CACNG2: variants seen among roughly 807,000 people sequenced by gnomAD.
The protein encoded by CACNG2 is voltage-dependent calcium channel gamma-2 subunit.
A neutral mutation model predicts 25.9 loss-of-function variants in CACNG2; 3 were observed. That is an observed-to-expected ratio of 0.12 (90% CI 0.05 to 0.30). The LOEUF is 0.30. Among genes scored for constraint, CACNG2 ranks in the 10% least tolerant of loss-of-function variants. The pLI, the probability that CACNG2 is intolerant of heterozygous loss-of-function variation, is 1.00. For missense variants in CACNG2, 341 were observed against 432.5 expected (o/e 0.79, Z 1.88); for synonymous variants, 167 against 173.3 (o/e 0.96, Z 0.29).
At chr22:36,565,026 G>T in intron 3 of CACNG2, 140 bp from the exon 4 acceptor site, 1 of 737,300 alleles carries the variant, frequency 1.4e-6, no homozygotes, top group Non-Finnish European at 2.4e-6. Context: ...AACAGGTGGG[G>T]CGGTGTAGAT....
chr22:36,597,495 G>A (rs963510599), intron 1 of CACNG2, among the ~76,000 whole-genome samples: 2 of 152,198 alleles, frequency 1.3e-5, no homozygotes, highest in Non-Finnish European at 2.9e-5. Context: ...AGTCCTCACC[G>A]AGGGGGTAAG....
At chr22:36,622,866 C>T (rs534074611) in intron 1 of CACNG2, among the ~76,000 whole-genome samples, 1 of 150,500 alleles carries the variant, frequency 6.6e-6, no homozygotes, top group Non-Finnish European at 1.5e-5. Flanking sequence ...GGCTGAGGCA[C>T]GAGAATCGCT....
At chr22:36,583,016 G>A (rs773816791) in intron 2 of CACNG2, among the ~76,000 whole-genome samples, 5 of 152,000 alleles carry the variant, frequency 3.3e-5, no homozygotes, top group Non-Finnish European at 4.4e-5. Flanking sequence ...GGGCCCAAGC[G>A]TTGTGCGTTC....
intron 1 of CACNG2, among the ~76,000 whole-genome samples, chr22:36,607,020 T>G (rs537596255): frequency 6.6e-6 from 1 of 151,502 alleles, no homozygotes; most frequent in South Asian, 2.1e-4. Flanking sequence ...TGTCTGTGAG[T>G]GTATATGTGT....
intron 1 of CACNG2, among the ~76,000 whole-genome samples, chr22:36,686,033 A>G (rs1937192331): frequency 6.6e-6 from 1 of 152,218 alleles, no homozygotes; most frequent in South Asian, 2.1e-4. Context: ...CACCTGGTTG[A>G]GGAGACAGAT....
At position 36,606,275 on chromosome 22, in the gene CACNG2, G is replaced by A. The variant is rs762405158; in HGVS notation, c.212-18727C>T. Among the ~76,000 whole-genome samples, 3 of 152,244 alleles carry A rather than the reference G, an allele frequency of 2.0e-5. No individual in the cohort carries two copies. Among genetic ancestry groups the A allele is most frequent in the African/African-American group, 7.2e-5 (3 of 41,460 alleles). ...CAGAATGAAACCACAAGGGCAGCGA[G>A]GGCGTTGGCTGGTCGCCGGGAACAA... On this transcript the variant is annotated intron_variant, in intron 1 of 3. Transcript: ENST00000300105. This position sits in a 1 kb window ranked among gnomAD's most constrained non-coding sequence, Gnocchi z 5.7.
chr22:36,577,650 GAAAAA>G (rs544986089), intron 2 of CACNG2, among the ~76,000 whole-genome samples: 2 of 114,466 alleles, frequency 1.7e-5, no homozygotes, highest in Admixed American at 9.8e-5. Context: ...CTCCGTCTTG[GAAAAA>G]AAAAAAAAAA....
At chr22:36,572,100 A>G (rs1455633871) in intron 2 of CACNG2, among the ~76,000 whole-genome samples, 1 of 152,192 alleles carries the variant, frequency 6.6e-6, no homozygotes, top group Non-Finnish European at 1.5e-5. Context: ...TATCTGATTT[A>G]TTTAATGAAC....
rs1601431089 is a variant in CACNG2, at chr22:36,640,415, T to C, written c.212-52867A>G. The stretch of plus-strand genomic sequence containing the variant: ...TTCTTCCTGCTCTCTGAGGAGTAAG[T>C]TTCCTTCACGGAGGAGCAGTGCCTC... On this transcript the variant is annotated intron_variant, in intron 1 of 3. Transcript: ENST00000300105. Among the ~76,000 whole-genome samples the C allele has an allele frequency of 2.6e-5, 4 of 152,300 alleles. No homozygotes were observed. In the Middle Eastern group the frequency reaches 0.014, roughly 518 times the overall value.
In CACNG2 at chr22:36,612,625, G is replaced by A. The variant is rs771956384; in HGVS notation, c.212-25077C>T. 2.6e-5 allele frequency among the ~76,000 whole-genome samples: 4 copies of A among 152,228 alleles called. No individual in the cohort carries two copies. In the South Asian group the frequency reaches 8.3e-4, roughly 32 times the overall value. Reference sequence around the variant, plus strand: ...CCTCTTCCCACAACCCTCTCACTTGGCCAGCATCCGCCTGGTTATTTGGCT... The same window carrying A: ...CCTCTTCCCACAACCCTCTCACTTGACCAGCATCCGCCTGGTTATTTGGCT... On this transcript the variant is annotated intron_variant, in intron 1 of 3. Coordinates refer to ENST00000300105, the MANE Select transcript of CACNG2 (RefSeq NM_006078.5).
chr22:36,609,502 G>C (rs1331559844), intron 1 of CACNG2, among the ~76,000 whole-genome samples: 3 of 138,094 alleles, frequency 2.2e-5, no homozygotes, highest in African/African-American at 8.3e-5. Flanking sequence ...TGATCAGGAG[G>C]AATCAACCCC....
At position 36,587,436 on chromosome 22, in the gene CACNG2, G is replaced by A. The variant is rs200747543; in HGVS notation, c.295+29C>T. The A allele has an allele frequency of 5.1e-5, 78 of 1,516,116 alleles. No individual in the cohort carries two copies. In the East Asian group the frequency reaches 7.9e-4, roughly 15 times the overall value. 93.9% of individuals were successfully genotyped at this position (1,516,116 alleles called of 1,614,324 possible). ...GGAAGGGCAGGGCCCACCACCAGGAGGGAGATAAAAACAATCGTGTGCACT... is the reference window on the plus strand; with the variant it reads ...GGAAGGGCAGGGCCCACCACCAGGAAGGAGATAAAAACAATCGTGTGCACT... On this transcript the variant is annotated intron_variant, in intron 2 of 3. Transcript: ENST00000300105.
intron 1 of CACNG2, among the ~76,000 whole-genome samples, chr22:36,661,542 G>C (rs748609113): frequency 8.5e-5 from 13 of 152,146 alleles, no homozygotes; most frequent in Non-Finnish European, 1.9e-4. Flanking sequence ...TAAGAGCATC[G>C]AGCATATTAA....
chr22:36,608,504 C>T (rs1826871241), intron 1 of CACNG2, among the ~76,000 whole-genome samples: 1 of 152,206 alleles, frequency 6.6e-6, no homozygotes, highest in South Asian at 2.1e-4. Flanking sequence ...TCCTCTCTGT[C>T]CCAATGCTTC....
chr22:36,600,490 C>T (rs959775586), intron 1 of CACNG2, among the ~76,000 whole-genome samples: 3 of 150,806 alleles, frequency 2.0e-5, no homozygotes. Context: ...CAAGCCTAAT[C>T]CTAATGAACA....
At chr22:36,627,642 ATTTTTTT>A in intron 1 of CACNG2, among the ~76,000 whole-genome samples, 1 of 141,334 alleles carries the variant, frequency 7.1e-6, no homozygotes, top group Non-Finnish European at 1.5e-5. Flanking sequence ...AATGACTTTG[ATTTTTTT>A]TTTTTTTTTT....
chr22:36,701,235 T>A (rs1396434263), intron 1 of CACNG2, among the ~76,000 whole-genome samples: 4 of 152,126 alleles, frequency 2.6e-5, no homozygotes, highest in Non-Finnish European at 5.9e-5. Flanking sequence ...CATATGTATC[T>A]CTCTGTGCAC....
chr22:36,578,962 C>A (rs1935369391), intron 2 of CACNG2, among the ~76,000 whole-genome samples: 3 of 152,112 alleles, frequency 2.0e-5, no homozygotes, highest in African/African-American at 4.8e-5. Context: ...AACAGACCGG[C>A]AATAGAGTGG....
intron 1 of CACNG2, among the ~76,000 whole-genome samples, chr22:36,619,081 A>C (rs1603501799): frequency 6.6e-6 from 1 of 152,326 alleles, no homozygotes; most frequent in East Asian, 1.9e-4. Flanking sequence ...TTGTGTGGCT[A>C]ATGTTATTAT....
Sources: gnomAD v4.1 joint callset for allele counts (sites outside exome capture counted in the v4.1 genomes callset) on GRCh38, gnomAD v4.1.1 for gene constraint, Gnocchi (gnomAD v3.1) non-coding constraint, MANE v1.5 for transcripts, NCBI Gene and HGNC (gene_info 2026-07-23, HGNC 2026-07-21) for gene names.